The following SLIT3 variants were observed in gnomAD, a reference collection of about 807,000 sequenced individuals.
SLIT3 encodes slit guidance ligand 3, also known as slit homolog 3 protein.
Under a neutral mutation model 184.0 loss-of-function variants are expected in SLIT3, and 68 were observed. That is an observed-to-expected ratio of 0.37 (90% confidence interval 0.30 to 0.45). The LOEUF is 0.45. Among genes scored for constraint, SLIT3 ranks in the 20% least tolerant of loss-of-function variants. SLIT3 has a pLI of 1.00. For synonymous variants in SLIT3, 831 were observed against 828.6 expected, an observed-to-expected ratio of 1.00 and a Z score of -0.05; for missense variants, 1,707 against 2,026.0, an observed-to-expected ratio of 0.84 and a Z score of 3.02.
chr5:169,274,224 C>A (rs914121347), intron 1 of SLIT3, among the ~76,000 whole-genome samples: 4 of 152,176 alleles, frequency 2.6e-5, no homozygotes, highest in African/African-American at 9.7e-5. Flanking sequence ...TTGGGAACCA[C>A]TAGTCTAGAA....
intron 4 of SLIT3, among the ~76,000 whole-genome samples, chr5:169,099,871 C>T (rs1278873178): frequency 6.6e-6 from 1 of 152,182 alleles, no homozygotes; most frequent in Non-Finnish European, 1.5e-5. Context: ...AAGGTGTGCC[C>T]CGAAGGCAAG....
At chr5:168,879,905 G>T (rs549666666) in intron 5 of SLIT3, among the ~76,000 whole-genome samples, 6 of 152,312 alleles carry the variant, frequency 3.9e-5, no homozygotes, top group African/African-American at 1.4e-4. Flanking sequence ...CTTACTCCCT[G>T]CTGTTTCCCC....
At chr5:169,136,758 GT>G (rs1435229873) in intron 4 of SLIT3, among the ~76,000 whole-genome samples, 2 of 152,174 alleles carry the variant, frequency 1.3e-5, no homozygotes, top group Non-Finnish European at 2.9e-5. Flanking sequence ...GGTTGTGTGT[GT>G]TTGGGGGTGG....
chr5:168,755,417 C>CTTTCTTTCT (rs1754887219), intron 16 of SLIT3, among the ~76,000 whole-genome samples: 2 of 26,648 alleles, frequency 7.5e-5, no homozygotes, highest in Admixed American at 3.5e-4. Flanking sequence ...TTCTTTCTTT[C>CTTTCTTTCT]TTTCTTTCTT....
At chr5:168,993,632 GAA>G (rs1360802273) in intron 4 of SLIT3, among the ~76,000 whole-genome samples, 1 of 150,754 alleles carries the variant, frequency 6.6e-6, no homozygotes, top group Non-Finnish European at 1.5e-5. Flanking sequence ...AAGATTTATG[GAA>G]AGAGTTTCTG....
intron 4 of SLIT3, among the ~76,000 whole-genome samples, chr5:169,138,086 T>C (rs1421770): frequency 0.35 from 52,516 of 152,114 alleles, 9,501 homozygotes; most frequent in Middle Eastern, 0.47. Context: ...GCCTCAGTTT[T>C]CTCATCTGGA....
intron 4 of SLIT3, among the ~76,000 whole-genome samples, chr5:169,046,132 C>T (rs150752665): frequency 6.6e-5 from 10 of 152,118 alleles, no homozygotes; most frequent in African/African-American, 2.4e-4. Context: ...CCTTCCCTAC[C>T]CCCCAAAAGG....
At chr5:169,218,260 C>A (rs1190373478) in intron 3 of SLIT3, among the ~76,000 whole-genome samples, 1 of 152,198 alleles carries the variant, frequency 6.6e-6, no homozygotes, top group Non-Finnish European at 1.5e-5. Context: ...CAAGATATCA[C>A]CTTCGCCATG....
chr5:168,824,413 G>A (rs1360314205), intron 6 of SLIT3, among the ~76,000 whole-genome samples: 1 of 152,178 alleles, frequency 6.6e-6, no homozygotes, highest in Non-Finnish European at 1.5e-5. Flanking sequence ...ACTGAAATGA[G>A]GCTGTTGAAG....
At chr5:168,818,419 G>A (rs1033361722) in intron 7 of SLIT3, among the ~76,000 whole-genome samples, 7 of 152,136 alleles carry the variant, frequency 4.6e-5, no homozygotes, top group African/African-American at 1.7e-4. Context: ...ATATCCAGGG[G>A]CTTCTAAGGC....
intron 4 of SLIT3, among the ~76,000 whole-genome samples, chr5:169,144,482 G>A (rs77618790): frequency 0.013 from 1,987 of 152,278 alleles, 40 homozygotes; most frequent in African/African-American, 0.045. Flanking sequence ...AACTCTTAAA[G>A]GCATGGAACA....
intron 4 of SLIT3, among the ~76,000 whole-genome samples, chr5:169,187,782 G>A (rs1021431201): frequency 1.3e-5 from 2 of 151,630 alleles, no homozygotes; most frequent in Admixed American, 1.3e-4. Context: ...TCAAACTCCT[G>A]GCTTCAAGTG....
At chr5:168,910,515 G>A (rs932942914) in intron 4 of SLIT3, among the ~76,000 whole-genome samples, 22 of 152,042 alleles carry the variant, frequency 1.4e-4, no homozygotes, top group Non-Finnish European at 2.6e-4. Context: ...AGGCCGAGGC[G>A]GGTGGATCAC....
intron 3 of SLIT3, among the ~76,000 whole-genome samples, chr5:169,229,778 T>A (rs1369638081): frequency 6.6e-6 from 1 of 152,040 alleles, no homozygotes; most frequent in African/African-American, 2.4e-5. Context: ...ATATAGGTAA[T>A]CTCATAAGAG....
At chr5:169,179,231 A>G (rs77641803) in intron 4 of SLIT3, among the ~76,000 whole-genome samples, 4,358 of 151,338 alleles carry the variant, frequency 0.029, 82 homozygotes, top group South Asian at 0.094. Flanking sequence ...ATAATTTGGA[A>G]GTTTAGGTCA....
At chr5:169,002,322 CAAAAAAAA>C (rs397999882) in intron 4 of SLIT3, among the ~76,000 whole-genome samples, 161 of 24,172 alleles carry the variant, frequency 6.7e-3, no homozygotes, top group East Asian at 9.6e-3. Context: ...GACTCTGTCT[CAAAAAAAA>C]AAAAAAAAAA....
chr5:169,208,774 A>G (rs767218825), intron 3 of SLIT3, among the ~76,000 whole-genome samples: 1 of 152,236 alleles, frequency 6.6e-6, no homozygotes, highest in Admixed American at 6.5e-5. Context: ...TACCTTAGAC[A>G]AAAATTAAGA....
intron 4 of SLIT3, among the ~76,000 whole-genome samples, chr5:168,988,852 C>T (rs990252733): frequency 6.6e-6 from 1 of 152,172 alleles, no homozygotes; most frequent in Non-Finnish European, 1.5e-5. Flanking sequence ...AAAGAATCAG[C>T]ATCTCTCTCC....
At chr5:168,760,991 C>T in intron 15 of SLIT3, 55 bp from the exon 16 acceptor site, 1 of 1,321,766 alleles carries the variant, frequency 7.6e-7, no homozygotes, top group Middle Eastern at 1.9e-4. Context: ...CCCCTCCTTC[C>T]ACCCCCCATG....
Sources: allele counts gnomAD v4.1 joint callset (sites outside exome capture counted in the v4.1 genomes callset), GRCh38; gene constraint gnomAD v4.1.1; transcripts MANE v1.5; gene names NCBI Gene and HGNC (gene_info 2026-07-23, HGNC 2026-07-21).